CPNE5: variants seen among roughly 807,000 people sequenced by gnomAD.
CPNE5 encodes the protein copine-5.
A neutral mutation model predicts 81.1 loss-of-function variants in CPNE5; 42 were observed. The ratio of observed to expected loss-of-function variants is 0.52; its 90% confidence interval spans 0.40 to 0.67. The LOEUF (loss-of-function observed/expected upper bound fraction) is 0.67, where lower values mean the gene tolerates loss of function less well. Among genes scored for constraint, CPNE5 ranks in the 30% least tolerant of loss-of-function variants. The probability of loss-of-function intolerance (pLI) is 0.00; values close to 1 mark genes in which losing one functional copy is unlikely to be tolerated. For missense variants in CPNE5, 612 were observed against 815.5 expected (o/e 0.75, Z 3.04); for synonymous variants, 313 against 321.5 (o/e 0.97, Z 0.28).
Position 36,746,299 on chromosome 6 carries a change from C to A in CPNE5, c.1200+97G>T. The A allele has an allele frequency of 1.4e-6, 2 of 1,476,232 alleles. No homozygotes were observed. Among genetic ancestry groups the A allele is most frequent in the Non-Finnish European group, 9.0e-7 (1 of 1,111,830 alleles). The allele number at this position is 1,476,232 out of a possible 1,614,324, so 91.4% of individuals were successfully genotyped here. A position where few individuals can be genotyped will look rare whatever the true frequency, so the allele number is the denominator to read the frequency against. ...CCTCCACTGAGGCTGAGCCTTAAGTCCCCGGGCTCAGAGGAAGGGAAACGT... is the reference window on the plus strand; with the variant it reads ...CCTCCACTGAGGCTGAGCCTTAAGTACCCGGGCTCAGAGGAAGGGAAACGT... On this transcript the variant is annotated intron_variant, in intron 16 of 20. Transcript: ENST00000244751. The surrounding 1 kb of genome is among the most constrained non-coding windows in gnomAD (Gnocchi z 4.5).
intron 18 of CPNE5, 125 bp downstream of exon 18, chr6:36,744,923 G>T: frequency 1.4e-6 from 1 of 693,936 alleles, no homozygotes; most frequent in Non-Finnish European, 2.6e-6. Context: ...GAAATGAGAA[G>T]CCACGCCCAA....
Position 36,742,287 on chromosome 6 carries a change from G to C in CPNE5, c.1763C>G (p.Pro588Arg). The change falls in exon 21 of 21, where the codon CCC becomes CGC. Residue 588 changes from proline (P) to arginine (R), a missense_variant. By Grantham distance (103) the Pro-to-Arg change is moderately radical. Transcript: ENST00000244751. Reference protein sequence around the residue: ...QSPARTPPASPLHTHI With the variant: ...QSPARTPPASRLHTHI ...CCAGGTTCAGATGTGCGTGTGCAGG[G>C]GGGACGCAGGGGGCGTGCGGGCTGG... The C allele has an allele frequency of 6.3e-7, 1 of 1,596,152 alleles. No individual in the cohort carries two copies. Among genetic ancestry groups the C allele is most frequent in the Non-Finnish European group, 8.5e-7 (1 of 1,173,460 alleles).
chr6:36,759,432 A>G (rs183909296), intron 12 of CPNE5, among the ~76,000 whole-genome samples: 3 of 149,086 alleles, frequency 2.0e-5, no homozygotes, highest in African/African-American at 7.5e-5. Flanking sequence ...CAGGTCTGGA[A>G]TCTGCCCTCC....
At chr6:36,813,713 A>G (rs915553190) in intron 3 of CPNE5, among the ~76,000 whole-genome samples, 1 of 152,114 alleles carries the variant, frequency 6.6e-6, no homozygotes, top group African/African-American at 2.4e-5. Context: ...TCCTTGAAAT[A>G]CAGTAAGCTT....
intron 3 of CPNE5, among the ~76,000 whole-genome samples, chr6:36,805,740 A>G (rs1171658640): frequency 6.6e-6 from 1 of 152,190 alleles, no homozygotes; most frequent in African/African-American, 2.4e-5. Flanking sequence ...GCCTTCTGAA[A>G]GACTCTCTCC....
intron 9 of CPNE5, among the ~76,000 whole-genome samples, chr6:36,775,427 C>T (rs1305106291): frequency 6.6e-6 from 1 of 152,208 alleles, no homozygotes. Flanking sequence ...GGCAGTTACC[C>T]TCTATCAAAG....
intron 9 of CPNE5, among the ~76,000 whole-genome samples, chr6:36,776,935 G>A (rs891045159): frequency 6.6e-6 from 1 of 152,174 alleles, no homozygotes; most frequent in African/African-American, 2.4e-5. Context: ...CGCAGCCATC[G>A]CCCTTTCACA....
At chr6:36,792,292 G>A in intron 7 of CPNE5, 196 bp from the exon 8 acceptor site, 1 of 1,481,602 alleles carries the variant, frequency 6.7e-7, no homozygotes, top group Admixed American at 2.0e-5. Flanking sequence ...CTGGGACCGG[G>A]TCCCCGAGCC....
At chr6:36,774,240 G>A (rs576937018) in intron 10 of CPNE5, among the ~76,000 whole-genome samples, 1 of 152,190 alleles carries the variant, frequency 6.6e-6, no homozygotes, top group South Asian at 2.1e-4. Context: ...AATTAGCTGG[G>A]CGTGGTGGTA....
At position 36,835,880 on chromosome 6, in the gene CPNE5, C is replaced by T. The variant is rs142187545; in HGVS notation, c.95+3403G>A. Reference sequence around the variant, plus strand: ...AGACCCTGGGAGCCAGCTATAGAGGCAAATTTTTATTAACTTCCAGGTATC... The same window carrying T: ...AGACCCTGGGAGCCAGCTATAGAGGTAAATTTTTATTAACTTCCAGGTATC... On this transcript the variant is annotated intron_variant, in intron 1 of 20. Transcript: ENST00000244751. 1.1e-3 allele frequency among the ~76,000 whole-genome samples: 162 copies of T among 151,988 alleles called. 1 individual carries two copies. Among genetic ancestry groups the T allele is most frequent in the African/African-American group, 2.6e-3 (107 of 41,432 alleles).
At chr6:36,807,843 A>T (rs540057978) in intron 3 of CPNE5, among the ~76,000 whole-genome samples, 1 of 152,288 alleles carries the variant, frequency 6.6e-6, no homozygotes, top group African/African-American at 2.4e-5. Flanking sequence ...TTAGTACCCC[A>T]GGCCTCAGTT....
intron 15 of CPNE5, among the ~76,000 whole-genome samples, chr6:36,747,731 C>T (rs913488444): frequency 6.6e-6 from 1 of 152,248 alleles, no homozygotes; most frequent in Non-Finnish European, 1.5e-5. Context: ...CTCCTAGTGA[C>T]TCAGCCACAG....
At chr6:36,794,282 C>A (rs1769364873) in intron 7 of CPNE5, among the ~76,000 whole-genome samples, 1 of 152,014 alleles carries the variant, frequency 6.6e-6, no homozygotes, top group African/African-American at 2.4e-5. Flanking sequence ...GAGTGCCCAG[C>A]CCCGCTATTC....
intron 8 of CPNE5, among the ~76,000 whole-genome samples, chr6:36,787,539 T>C (rs1412186377): frequency 6.6e-6 from 1 of 152,082 alleles, no homozygotes; most frequent in Non-Finnish European, 1.5e-5. Flanking sequence ...TGTGATAAAA[T>C]AGTTGTTGTA....
intron 1 of CPNE5, among the ~76,000 whole-genome samples, chr6:36,831,449 G>A (rs1245573037): frequency 6.6e-6 from 1 of 151,840 alleles, no homozygotes; most frequent in African/African-American, 2.4e-5. Context: ...CGCCTCCCAG[G>A]TTCAAGCAAT....
At chr6:36,760,316 T>C (rs1765900478) in intron 12 of CPNE5, among the ~76,000 whole-genome samples, 1 of 151,740 alleles carries the variant, frequency 6.6e-6, no homozygotes, top group African/African-American at 2.4e-5. Flanking sequence ...TGTAGGTCAG[T>C]GGATCTCAGC....
intron 13 of CPNE5, chr6:36,754,311 C>T (rs1338986721): frequency 6.6e-6 from 1 of 151,836 alleles, no homozygotes; most frequent in Admixed American, 6.6e-5. Context: ...AATGCCCTAA[C>T]TGCCCTGACC....
chr6:36,805,935 C>T lies in CPNE5; in HGVS notation c.184-5865G>A, dbSNP rs138818238. ...AAACTTCTTTGGGGACTAAATTAGGCGACTCTCTGGGACTCTGCTACACGT... is the reference window on the plus strand; with the variant it reads ...AAACTTCTTTGGGGACTAAATTAGGTGACTCTCTGGGACTCTGCTACACGT... On this transcript the variant is annotated intron_variant, in intron 3 of 20. Transcript: ENST00000244751. Among the ~76,000 whole-genome samples the T allele has an allele frequency of 4.6e-3, 702 of 152,282 alleles. 3 individuals are homozygous for T. Among genetic ancestry groups the T allele is most frequent in the African/African-American group, 0.015 (613 of 41,554 alleles).
chr6:36,818,951 A>T (rs182337021), intron 3 of CPNE5, among the ~76,000 whole-genome samples: 19 of 152,338 alleles, frequency 1.2e-4, no homozygotes, highest in Admixed American at 1.1e-3. Flanking sequence ...AAGCACAGCC[A>T]AAAGGCCTCA....
Sources: allele counts gnomAD v4.1 joint callset (sites outside exome capture counted in the v4.1 genomes callset), GRCh38; gene constraint gnomAD v4.1.1; non-coding constraint Gnocchi (gnomAD v3.1); transcripts MANE v1.5; gene names NCBI Gene and HGNC (gene_info 2026-07-23, HGNC 2026-07-21).